Variants in GEMIN7 observed in about 807,000 individuals in gnomAD.
GEMIN7 encodes gem nuclear organelle associated protein 7.
A neutral mutation model predicts 7.8 loss-of-function variants in GEMIN7; 7 were observed. That is an observed-to-expected ratio of 0.90 (90% CI 0.51 to 1.69). GEMIN7 has a LOEUF of 1.69. GEMIN7 is among the 40% of genes most tolerant of loss of function. GEMIN7 has a pLI of 0.00. For missense variants in GEMIN7, 159 were observed against 176.2 expected, an observed-to-expected ratio of 0.90 and a Z score of 0.55; for synonymous variants, 68 against 72.4, an observed-to-expected ratio of 0.94 and a Z score of 0.31.
At chr19:45,076,068 G>A (rs763666403), upstream of GEMIN7, 11 of 1,581,324 alleles carry the variant, frequency 7.0e-6, no homozygotes, top group Admixed American at 2.0e-5. This position sits in a 1 kb window ranked among gnomAD's most constrained non-coding sequence, Gnocchi z 4.9. Flanking sequence ...AGGGCCCGGG[G>A]TGCTCACCGG....
intron 2 of GEMIN7, among the ~76,000 whole-genome samples, chr19:45,082,187 A>G (rs956535339): frequency 2.6e-5 from 4 of 152,056 alleles, no homozygotes; most frequent in Non-Finnish European, 4.4e-5. Context: ...CACAGCCCAC[A>G]AGGCACTCTC....
intron 2 of GEMIN7, among the ~76,000 whole-genome samples, chr19:45,089,403 T>C (rs1307546170): frequency 6.6e-6 from 1 of 152,236 alleles, no homozygotes; most frequent in Non-Finnish European, 1.5e-5. Context: ...GTAACTATCA[T>C]TATTGTATTG....
chr19:45,081,314 T>C (rs1209619266), intron 2 of GEMIN7, among the ~76,000 whole-genome samples: 1 of 151,964 alleles, frequency 6.6e-6, no homozygotes, highest in African/African-American at 2.4e-5. Context: ...AAATTAGCCA[T>C]GTGCAGTGGT....
At chr19:45,085,930 T>C (rs1967669800) in intron 2 of GEMIN7, among the ~76,000 whole-genome samples, 1 of 130,586 alleles carries the variant, frequency 7.7e-6, no homozygotes, top group Non-Finnish European at 1.6e-5. Flanking sequence ...TGCAGTGGCG[T>C]GGTCTCGGCT....
At position 45,090,368 on chromosome 19, in the gene GEMIN7, G is replaced by T. The variant is rs758275299; in HGVS notation, c.254G>T (p.Gly85Val). The change falls in exon 3 of 3, where the codon GGT (glycine) becomes GTT (valine). Residue 85 changes from glycine (G) to valine (V), a missense_variant. Physicochemically the swap from Gly to Val is moderately radical, Grantham distance 109. Transcript: ENST00000270257. The part of the protein sequence containing the change: ...GHQVSFTLHE[G>V]VRVAAHFGAT... ...CAGGTGAGCTTCACGTTGCACGAGG[G>T]TGTGCGTGTGGCCGCCCACTTTGGA... 9 of 1,614,168 alleles carry T rather than the reference G, an allele frequency of 5.6e-6. No individual in the cohort carries two copies. The highest frequency in any genetic ancestry group is 7.6e-6 in the Non-Finnish European group (9 of 1,180,042).
At chr19:45,076,152 G>T, upstream of GEMIN7, 2 of 1,545,994 alleles carry the variant, frequency 1.3e-6, no homozygotes, top group Non-Finnish European at 1.7e-6. The surrounding 1 kb of genome is among the most constrained non-coding windows in gnomAD (Gnocchi z 4.9). Context: ...CGGCCCCGGC[G>T]GGCATGGGGC....
chr19:45,079,050 C>G (rs1468750091), upstream of GEMIN7: 1 of 152,270 alleles, frequency 6.6e-6, no homozygotes, highest in Non-Finnish European at 1.5e-5. Context: ...ATGGGCATCC[C>G]AGACGCCCCC....
rs1363715950 is a variant in GEMIN7, at chr19:45,079,278, CG to C, written c.-229del. 6.6e-6 allele frequency: 1 copy of C among 152,316 alleles called. No individual in the cohort carries two copies. The highest frequency in any genetic ancestry group is 1.5e-5 in the Non-Finnish European group (1 of 68,126). 9.4% of individuals were successfully genotyped at this position (152,316 alleles called of 1,614,324 possible). ...TGGGGACACCAGTAGCCGCGGACCT[CG>C]GTGAGTACAAGGTGGTGGGGGGTCG... On this transcript the variant is annotated 5_prime_UTR_variant, in exon 1 of 3. Coordinates refer to ENST00000270257, the MANE Select transcript of GEMIN7 (RefSeq NM_024707.3).
intron 2 of GEMIN7, among the ~76,000 whole-genome samples, chr19:45,081,684 TG>T (rs1250752416): frequency 6.6e-6 from 1 of 152,022 alleles, no homozygotes; most frequent in Non-Finnish European, 1.5e-5. Flanking sequence ...TGGAATGCAA[TG>T]GCACGATCTC....
At position 45,088,314 on chromosome 19, in the gene GEMIN7, G is replaced by C. The variant is rs142257282; in HGVS notation, c.-8-1793G>C. On this transcript the variant is annotated intron_variant, in intron 2 of 2. Transcript: ENST00000270257. ...TAATATTTTTGAAGAGCCCAGGTTAGTTGTGCTGTTTTTGTTTTTGTTTTT... is the reference window on the plus strand; with the variant it reads ...TAATATTTTTGAAGAGCCCAGGTTACTTGTGCTGTTTTTGTTTTTGTTTTT... Among the ~76,000 whole-genome samples the C allele has an allele frequency of 7.9e-5, 12 of 152,066 alleles. No individual in the cohort carries two copies. The East Asian group carries it at 2.1e-3, about 27-fold the overall frequency.
At chr19:45,084,506 G>A (rs917273876) in intron 2 of GEMIN7, among the ~76,000 whole-genome samples, 5 of 152,270 alleles carry the variant, frequency 3.3e-5, no homozygotes, top group Admixed American at 2.0e-4. Context: ...GGGTTCAAGC[G>A]ATTCTTATGC....
chr19:45,089,567 C>G (rs528895019), intron 2 of GEMIN7, among the ~76,000 whole-genome samples: 1 of 152,264 alleles, frequency 6.6e-6, no homozygotes, highest in Admixed American at 6.5e-5. Flanking sequence ...GACAGTGTCT[C>G]ACTCTGTCAC....
Position 45,089,953 on chromosome 19 carries a change from G to C in GEMIN7, c.-8-154G>C, listed in dbSNP as rs534362440. ...CTTTTGTTTCTGATCCAAGCCATTG[G>C]GGGACGATGGCACAGATTTTAGGAG... On this transcript the variant is annotated intron_variant, in intron 2 of 2. Transcript: ENST00000270257. 6.8e-6 allele frequency: 5 copies of C among 738,612 alleles called. No homozygotes were observed. The East Asian group carries it at 1.3e-4, about 18-fold the overall frequency. The allele number at this position is 738,612 out of a possible 1,614,324, so 45.8% of individuals were successfully genotyped here. A position where few individuals can be genotyped will look rare whatever the true frequency, so the allele number is the denominator to read the frequency against.
At chr19:45,083,408 C>G (rs1262846407) in intron 2 of GEMIN7, among the ~76,000 whole-genome samples, 3 of 151,992 alleles carry the variant, frequency 2.0e-5, no homozygotes, top group Non-Finnish European at 4.4e-5. Flanking sequence ...GATTGCACCA[C>G]TGCACTCCAG....
intron 2 of GEMIN7, 61 bp from the exon 3 acceptor site, chr19:45,090,046 T>G (rs1967837519): frequency 6.6e-7 from 1 of 1,515,738 alleles, no homozygotes. Flanking sequence ...CACTCCTCCC[T>G]CCTCCATTAG....
chr19:45,090,517 T>C lies in GEMIN7; in HGVS notation c.*7T>C. 6.3e-7 allele frequency: 1 copy of C among 1,598,266 alleles called. No homozygotes were observed. Among genetic ancestry groups the C allele is most frequent in the Non-Finnish European group, 8.6e-7 (1 of 1,167,964 alleles). On this transcript the variant is annotated 3_prime_UTR_variant, in exon 3 of 3. Transcript: ENST00000270257. ...ATATACCTTCAAGCCATAAAGATAT[T>C]GTGTTCACTTTTCTGCTTGAGGCTA...
chr19:45,077,080 G>A (rs1370664087), upstream of GEMIN7, among the ~76,000 whole-genome samples: 1 of 152,190 alleles, frequency 6.6e-6, no homozygotes, highest in Non-Finnish European at 1.5e-5. Context: ...ATGGGAAAGG[G>A]CATGGTGGAG....
chr19:45,078,097 CTTTTTT>C (rs57149861), upstream of GEMIN7, among the ~76,000 whole-genome samples: 19 of 96,654 alleles, frequency 2.0e-4, no homozygotes, highest in South Asian at 7.2e-4. Flanking sequence ...TTATTTTACT[CTTTTTT>C]TTTTTTTTTT....
chr19:45,076,302 CTCG>C (rs1307629501), upstream of GEMIN7: 1 of 1,440,360 alleles, frequency 6.9e-7, no homozygotes, highest in Non-Finnish European at 9.1e-7. This position sits in a 1 kb window ranked among gnomAD's most constrained non-coding sequence, Gnocchi z 4.9. Flanking sequence ...GCATTTCCAT[CTCG>C]TCGTCTGGGT....
Sources: allele counts gnomAD v4.1 joint callset (sites outside exome capture counted in the v4.1 genomes callset), GRCh38; gene constraint gnomAD v4.1.1; non-coding constraint Gnocchi (gnomAD v3.1); transcripts MANE v1.5; gene names NCBI Gene and HGNC (gene_info 2026-07-23, HGNC 2026-07-21).